The following CRB1 variants were observed in gnomAD, a reference collection of about 807,000 sequenced individuals.
CRB1 encodes the protein protein crumbs homolog 1.
Under a neutral mutation model 120.0 loss-of-function variants are expected in CRB1, and 83 were observed. The observed-to-expected ratio is 0.69, with a 90% CI of 0.58 to 0.83. The LOEUF is 0.83. Ranked by LOEUF, CRB1 falls within the 40% of genes least tolerant of loss-of-function variation. CRB1 has a pLI of 0.00. For missense variants in CRB1, 1,699 were observed against 1,687.6 expected, an observed-to-expected ratio of 1.01 and a Z score of -0.12; for synonymous variants, 625 against 612.5, an observed-to-expected ratio of 1.02 and a Z score of -0.30.
chr1:197,347,233 AG>A, intron 3 of CRB1, 106 bp from the exon 4 acceptor site: 1 of 973,224 alleles, frequency 1.0e-6, no homozygotes, highest in South Asian at 1.3e-5. Flanking sequence ...TGAGGTAGTA[AG>A]ATGATGCCAT....
At chr1:197,441,672 T>TC (rs1052938004) in intron 10 of CRB1, 5 of 145,828 alleles carry the variant, frequency 3.4e-5, no homozygotes, top group African/African-American at 1.3e-4. Context: ...TTTTTTTTTT[T>TC]TTTTTTTTTT....
chr1:197,456,245 G>A (rs1420341665), intron 11 of CRB1, among the ~76,000 whole-genome samples: 1 of 152,056 alleles, frequency 6.6e-6, no homozygotes, highest in Non-Finnish European at 1.5e-5. Context: ...ATTATATTTT[G>A]AAACCAGTTC....
the CRB1 span, among the ~76,000 whole-genome samples, chr1:197,239,151 T>C: frequency 1.3e-5 from 2 of 152,144 alleles, no homozygotes; most frequent in Non-Finnish European, 2.9e-5. Context: ...TCTATCCGGG[T>C]ATATCTTCCA....
chr1:197,460,366 G>A (rs531200855), intron 11 of CRB1, among the ~76,000 whole-genome samples: 1 of 152,164 alleles, frequency 6.6e-6, no homozygotes, highest in East Asian at 1.9e-4. Flanking sequence ...GAACATTTCT[G>A]TGATTAGTGC....
chr1:197,320,383 C>G (rs1477962326), intron 1 of CRB1, among the ~76,000 whole-genome samples: 1 of 152,076 alleles, frequency 6.6e-6, no homozygotes, highest in Non-Finnish European at 1.5e-5. Context: ...TAGACCTGGT[C>G]CCTATTGAGT....
intron 5 of CRB1, among the ~76,000 whole-genome samples, chr1:197,412,985 G>A (rs1663789266): frequency 6.6e-6 from 1 of 152,018 alleles, no homozygotes; most frequent in South Asian, 2.1e-4. Context: ...ACTATTTCAT[G>A]ATACAGTTAC....
intron 7 of CRB1, 193 bp from the exon 8 acceptor site, chr1:197,429,248 ACCACTCTG>A (rs1664753301): frequency 7.2e-7 from 1 of 1,387,256 alleles, no homozygotes; most frequent in African/African-American, 1.4e-5. Flanking sequence ...TCTCTCTGCC[ACCACTCTG>A]CCCTTTTAGA....
chr1:197,359,568 G>C (rs1660669681), intron 5 of CRB1, among the ~76,000 whole-genome samples: 1 of 152,148 alleles, frequency 6.6e-6, no homozygotes, highest in Non-Finnish European at 1.5e-5. Context: ...TTGTTGTACA[G>C]GCTTTTGTGT....
intron 5 of CRB1, among the ~76,000 whole-genome samples, chr1:197,365,627 T>TTC (rs1553253831): frequency 0.066 from 6,152 of 93,174 alleles, 462 homozygotes; most frequent in African/African-American, 0.37. Context: ...CTTCTTCTTC[T>TTC]TTTTTTTTTT....
chr1:197,226,370 A>G, the CRB1 span, among the ~76,000 whole-genome samples: 1 of 152,216 alleles, frequency 6.6e-6, no homozygotes, highest in African/African-American at 2.4e-5. Context: ...ATAATTCTAC[A>G]AGTAGTAGTA....
chr1:197,453,952 GATATTATTA>G (rs1666149696), intron 11 of CRB1, among the ~76,000 whole-genome samples: 1 of 120,026 alleles, frequency 8.3e-6, no homozygotes, highest in Non-Finnish European at 1.6e-5. Flanking sequence ...ATATATTATT[GATATTATTA>G]TATTATTAAT....
At chr1:197,406,615 A>G (rs1367056443) in intron 5 of CRB1, among the ~76,000 whole-genome samples, 1 of 152,254 alleles carries the variant, frequency 6.6e-6, no homozygotes, top group Non-Finnish European at 1.5e-5. Flanking sequence ...AATATTCTGC[A>G]TATTTTAATT....
chr1:197,465,436 C>T (rs1666711702), intron 11 of CRB1, among the ~76,000 whole-genome samples: 1 of 151,794 alleles, frequency 6.6e-6, no homozygotes, highest in South Asian at 2.1e-4. Flanking sequence ...AGACTTTTAC[C>T]AAATGGCTTA....
intron 5 of CRB1, among the ~76,000 whole-genome samples, chr1:197,391,735 G>A (rs968462157): frequency 2.6e-5 from 4 of 152,044 alleles, no homozygotes; most frequent in African/African-American, 9.7e-5. Flanking sequence ...TCTCAGAAGT[G>A]TGCTGACATA....
the CRB1 span, chr1:197,222,978 G>A: frequency 1.2e-6 from 1 of 809,202 alleles, no homozygotes; most frequent in Non-Finnish European, 2.2e-6. Flanking sequence ...CTTTACAGTG[G>A]GAATGCAGTG....
Position 197,303,366 on chromosome 1 carries a change from A to T in CRB1, c.71-25056A>T, listed in dbSNP as rs1183618750. Among the ~76,000 whole-genome samples the T allele has an allele frequency of 2.1e-5, 3 of 140,730 alleles. No homozygotes were observed. In the South Asian group the frequency reaches 6.6e-4, roughly 31 times the overall value. 92.3% of individuals were successfully genotyped at this position (140,730 alleles called of 152,430 possible). A position where few individuals can be genotyped will look rare whatever the true frequency, so the allele number is the denominator to read the frequency against. ...TCTCATTGTTCAATTCCCACCTATG[A>T]GTGAGAATATGTGGTGTTTGGTTTT... On this transcript the variant is annotated intron_variant, in intron 1 of 11. Coordinates refer to ENST00000367400, the MANE Select transcript of CRB1 (RefSeq NM_201253.3).
chr1:197,243,896 C>T, the CRB1 span, among the ~76,000 whole-genome samples: 2 of 152,142 alleles, frequency 1.3e-5, no homozygotes, highest in Non-Finnish European at 2.9e-5. Flanking sequence ...GTTAGCTCTT[C>T]TTGTTGCATT....
chr1:197,277,257 G>T (rs775042525), intron 1 of CRB1, among the ~76,000 whole-genome samples: 4 of 151,976 alleles, frequency 2.6e-5, no homozygotes, highest in East Asian at 1.9e-4. Context: ...TAGATTAACC[G>T]CATTGTGTAG....
the CRB1 span, among the ~76,000 whole-genome samples, chr1:197,230,794 G>A: frequency 1.3e-5 from 2 of 152,138 alleles, no homozygotes; most frequent in South Asian, 2.1e-4. Context: ...AAAGGTAGAG[G>A]TGAATATAGA....
Sources: allele counts gnomAD v4.1 joint callset (sites outside exome capture counted in the v4.1 genomes callset), GRCh38; gene constraint gnomAD v4.1.1; transcripts MANE v1.5; gene names NCBI Gene and HGNC (gene_info 2026-07-23, HGNC 2026-07-21).